GPC4: variants seen among roughly 807,000 people sequenced by gnomAD.
GPC4 encodes glypican-4.
GPC4 carries 10 observed loss-of-function variants against 35.0 expected under a neutral mutation model. That is an observed-to-expected ratio of 0.29 (90% CI 0.18 to 0.48). GPC4 has a LOEUF of 0.48. Ranked by LOEUF, GPC4 falls within the 20% of genes least tolerant of loss-of-function variation. GPC4 has a pLI of 0.99. For missense variants in GPC4, 322 were observed against 451.3 expected (o/e 0.71, Z 2.60); for synonymous variants, 167 against 170.2 (o/e 0.98, Z 0.15).
chrX:133,307,899 CAT>C (rs764465730), intron 4 of GPC4, among the ~76,000 whole-genome samples: 19 of 112,154 alleles, frequency 1.7e-4, no homozygotes, highest in Admixed American at 1.6e-3. Context: ...TGAAAGGAAA[CAT>C]AAACCCCAAT....
chrX:133,400,113 C>T (rs1202466538), intron 1 of GPC4, among the ~76,000 whole-genome samples: 1 of 112,042 alleles, frequency 8.9e-6, no homozygotes, highest in African/African-American at 3.2e-5. Context: ...AGTCTTTTTC[C>T]TCCAAATTCC....
chrX:133,371,703 C>T (rs762570064), intron 1 of GPC4, among the ~76,000 whole-genome samples: 30 of 111,836 alleles, frequency 2.7e-4, no homozygotes, highest in African/African-American at 8.8e-4. Context: ...TGTCCAAATT[C>T]GTTAATATAA....
intron 3 of GPC4, among the ~76,000 whole-genome samples, chrX:133,312,904 C>T (rs1156494279): frequency 9.0e-6 from 1 of 111,361 alleles, no homozygotes; most frequent in Admixed American, 9.5e-5. Context: ...TGATTCCATC[C>T]GGTCACTTGT....
At chrX:133,379,567 A>G (rs1402190640) in intron 1 of GPC4, among the ~76,000 whole-genome samples, 1 of 112,119 alleles carries the variant, frequency 8.9e-6, no homozygotes, top group Non-Finnish European at 1.9e-5. Flanking sequence ...GGTGAATTTT[A>G]TGTTATGTGA....
At chrX:133,357,182 G>A (rs1026314803) in intron 1 of GPC4, among the ~76,000 whole-genome samples, 1 of 109,487 alleles carries the variant, frequency 9.1e-6, no homozygotes, top group African/African-American at 3.3e-5. Context: ...CCAGGAGTTC[G>A]AGACCAGTCT....
chrX:133,332,775 G>T (rs1023174547), intron 2 of GPC4, among the ~76,000 whole-genome samples: 3 of 112,211 alleles, frequency 2.7e-5, no homozygotes, highest in African/African-American at 9.7e-5. Flanking sequence ...GGGCATGCAA[G>T]CTTATTTCCA....
At chrX:133,387,461 GAAAAGA>G (rs2068697109) in intron 1 of GPC4, among the ~76,000 whole-genome samples, 1 of 105,843 alleles carries the variant, frequency 9.4e-6, no homozygotes, top group African/African-American at 3.5e-5. Flanking sequence ...AGAGAGAAAA[GAAAAGA>G]AAAAAGAAGA....
intron 1 of GPC4, among the ~76,000 whole-genome samples, chrX:133,342,002 A>C (rs1371802726): frequency 9.3e-6 from 1 of 106,988 alleles, no homozygotes; most frequent in Non-Finnish European, 1.9e-5. Context: ...CTGATACTGG[A>C]ACACTGGGGC....
chrX:133,388,845 G>C (rs957911327), intron 1 of GPC4, among the ~76,000 whole-genome samples: 1 of 110,377 alleles, frequency 9.1e-6, no homozygotes, highest in African/African-American at 3.3e-5. Context: ...TGTTGCTCAG[G>C]CTGGAGTGCA....
intron 1 of GPC4, among the ~76,000 whole-genome samples, chrX:133,364,394 C>G (rs1011622467): frequency 1.8e-5 from 2 of 111,705 alleles, no homozygotes; most frequent in Non-Finnish European, 3.8e-5. Context: ...TCCATCTGGA[C>G]TGGCCTCAAA....
chrX:133,366,918 CTGAT>C (rs972224973), intron 1 of GPC4, among the ~76,000 whole-genome samples: 1 of 111,635 alleles, frequency 9.0e-6, no homozygotes, highest in Non-Finnish European at 1.9e-5. Context: ...ACTTTAGCCT[CTGAT>C]TGGTTGTATA....
chrX:133,403,636 G>A (rs2068775117), intron 1 of GPC4, among the ~76,000 whole-genome samples: 1 of 110,727 alleles, frequency 9.0e-6, no homozygotes, highest in African/African-American at 3.3e-5. Context: ...CACATGCCAT[G>A]CAGTATGTTA....
intron 3 of GPC4, 64 bp downstream of exon 3, chrX:133,324,081 A>C (rs1056688998): frequency 9.0e-7 from 1 of 1,114,498 alleles, no homozygotes; most frequent in Admixed American, 3.0e-5. Context: ...ACCTTTCCCA[A>C]ACATTCTTTT....
chrX:133,319,699 A>G (rs949198998), intron 3 of GPC4, among the ~76,000 whole-genome samples: 6 of 110,944 alleles, frequency 5.4e-5, no homozygotes, highest in African/African-American at 2.0e-4. Context: ...ACCCATATAT[A>G]TAAAAAACAT....
intron 1 of GPC4, 132 bp from the exon 2 acceptor site, chrX:133,339,473 T>A (rs1037750571): frequency 2.1e-6 from 1 of 467,210 alleles, no homozygotes; most frequent in African/African-American, 2.5e-5. Flanking sequence ...ATCTAACAAG[T>A]TCCAGGAAGT....
At chrX:133,410,901 C>T (rs1485784886) in intron 1 of GPC4, among the ~76,000 whole-genome samples, 2 of 111,991 alleles carry the variant, frequency 1.8e-5, no homozygotes, top group South Asian at 3.7e-4. Context: ...TGGCTCAATT[C>T]GACCCTCCCC....
chrX:133,403,815 C>T (rs2068775763), intron 1 of GPC4, among the ~76,000 whole-genome samples: 1 of 109,333 alleles, frequency 9.1e-6, no homozygotes, highest in Non-Finnish European at 1.9e-5. Flanking sequence ...TGTGCCTCAG[C>T]CTCCCGAGTA....
At chrX:133,361,197 GGTTT>G (rs2068565814) in intron 1 of GPC4, among the ~76,000 whole-genome samples, 1 of 111,526 alleles carries the variant, frequency 9.0e-6, no homozygotes, top group African/African-American at 3.3e-5. Flanking sequence ...AAGGAAAACT[GGTTT>G]GTTTGATATA....
intron 4 of GPC4, among the ~76,000 whole-genome samples, chrX:133,306,661 C>T (rs1001839007): frequency 8.9e-6 from 1 of 111,900 alleles, no homozygotes; most frequent in East Asian, 2.8e-4. Flanking sequence ...TTGAGTGCAC[C>T]GTTGGATAAT....
Sources: allele counts gnomAD v4.1 joint callset (sites outside exome capture counted in the v4.1 genomes callset), GRCh38; gene constraint gnomAD v4.1.1; transcripts MANE v1.5; gene names NCBI Gene and HGNC (gene_info 2026-07-23, HGNC 2026-07-21).